CDC42BPB: variants seen among roughly 807,000 people sequenced by gnomAD.
CDC42BPB encodes serine/threonine-protein kinase MRCK beta.
CDC42BPB carries 37 observed loss-of-function variants against 214.9 expected under a neutral mutation model. That is an observed-to-expected ratio of 0.17 (90% CI 0.13 to 0.23). The LOEUF is 0.23. CDC42BPB is among the 10% of genes least tolerant of loss of function. The pLI is 1.00. For synonymous variants in CDC42BPB, 931 were observed against 884.0 expected (o/e 1.05, Z -0.94); for missense variants, 1,694 against 2,227.0 (o/e 0.76, Z 4.82).
chr14:102,986,089 C>T (rs1181023089), intron 6 of CDC42BPB, among the ~76,000 whole-genome samples: 1 of 152,134 alleles, frequency 6.6e-6, no homozygotes, highest in Non-Finnish European at 1.5e-5. Context: ...AAGTTACCTG[C>T]CCCAACACAA....
intron 14 of CDC42BPB, 61 bp downstream of exon 14, chr14:102,970,089 GT>G: frequency 7.6e-7 from 1 of 1,308,004 alleles, no homozygotes. Flanking sequence ...CTTCCATGTG[GT>G]GGCGTCAGCA....
At position 102,933,835 on chromosome 14, in the gene CDC42BPB, C is replaced by A; in HGVS notation, c.5013G>T (p.Ser1671=). The stretch of plus-strand genomic sequence containing the variant: ...ATGGAGTTGAGTGTTTGGTGGAGTC[C>A]GAATCAGGCTGTGAACAGGAAGAGG... ...PDQDFDKEPD[S]DSTKHSTPSN... The change falls in exon 37 of 37, where the codon TCG becomes TCT. Residue 1671 remains serine, a synonymous_variant. Transcript: ENST00000361246. 1 of 1,519,638 alleles carries A rather than the reference C, an allele frequency of 6.6e-7. No individual in the cohort carries two copies. Among genetic ancestry groups the A allele is most frequent in the Non-Finnish European group, 8.8e-7 (1 of 1,141,204 alleles). 94.1% of individuals were successfully genotyped at this position (1,519,638 alleles called of 1,614,324 possible).
At chr14:102,933,984 C>G (rs1891516170) in intron 36 of CDC42BPB, 141 bp from the exon 37 acceptor site, 6 of 1,392,056 alleles carry the variant, frequency 4.3e-6, no homozygotes, top group Non-Finnish European at 5.5e-6. Context: ...CACACACGCT[C>G]TACACCAGCG....
chr14:102,951,425 T>C (rs534138523), intron 24 of CDC42BPB, among the ~76,000 whole-genome samples: 3 of 152,204 alleles, frequency 2.0e-5, no homozygotes, highest in Admixed American at 1.3e-4. Flanking sequence ...ATCTGTGAAA[T>C]GGGGCAATCA....
rs1294401791 is a variant in CDC42BPB, at chr14:102,954,273, G to A, written c.2991C>T (p.Asp997=). The change falls in exon 23 of 37, where the codon GAC becomes GAT. Residue 997 remains aspartate, a splice_region_variant and synonymous_variant. Transcript: ENST00000361246. The part of the protein sequence containing the change: ...MSVAASEQQE[D]MARPPQRPSA... ...ATGGCCTCTGCGGGGGCCGAGCCAT[G>A]TCCTGGGAGACAAGCAGGACAGGTG... is the stretch of plus-strand genomic sequence containing the variant. 1.3e-6 allele frequency: 2 copies of A among 1,526,408 alleles called. No homozygotes were observed. Among genetic ancestry groups the A allele is most frequent in the African/African-American group, 1.4e-5 (1 of 71,642 alleles). The allele number at this position is 1,526,408 out of a possible 1,614,324, so 94.6% of individuals were successfully genotyped here.
chr14:103,043,451 C>G (rs2139755711), intron 1 of CDC42BPB, among the ~76,000 whole-genome samples: 1 of 152,192 alleles, frequency 6.6e-6, no homozygotes, highest in African/African-American at 2.4e-5. Context: ...ACGCCACTTA[C>G]AGAAAATACC....
At chr14:102,965,005 G>A (rs1041916639) in intron 18 of CDC42BPB, among the ~76,000 whole-genome samples, 27 of 151,532 alleles carry the variant, frequency 1.8e-4, no homozygotes, top group African/African-American at 6.1e-4. Flanking sequence ...AGCTTACCGC[G>A]ACCTCCGCCT....
rs574891192 is a variant in CDC42BPB at position 102,946,863 on chromosome 14, C to T, written c.3532-179G>A. The T allele has an allele frequency of 1.5e-5, 15 of 985,450 alleles. 1 individual carries two copies. In the Admixed American group the frequency reaches 1.8e-4, roughly 12 times the overall value. The allele number at this position is 985,450 out of a possible 1,614,324, so 61.0% of individuals were successfully genotyped here. ...TTGCAGAGGCTCCCGCGGCAGGACA[C>T]GGAAGGGGCGGGGTTCTAAACAGCC... On this transcript the variant is annotated intron_variant, in intron 27 of 36. Transcript: ENST00000361246.
intron 1 of CDC42BPB, among the ~76,000 whole-genome samples, chr14:103,040,924 T>C (rs775962364): frequency 2.0e-5 from 3 of 152,192 alleles, no homozygotes; most frequent in Admixed American, 6.5e-5. Context: ...TGACAAGCTG[T>C]TCCTAAAATG....
intron 1 of CDC42BPB, among the ~76,000 whole-genome samples, chr14:103,044,281 G>C (rs1458025405): frequency 1.3e-5 from 2 of 151,698 alleles, no homozygotes; most frequent in Non-Finnish European, 2.9e-5. Flanking sequence ...ATGCTGGAGT[G>C]CAGTGGTGCA....
At chr14:103,028,838 G>A (rs897782629) in intron 1 of CDC42BPB, among the ~76,000 whole-genome samples, 1 of 152,102 alleles carries the variant, frequency 6.6e-6, no homozygotes, top group Non-Finnish European at 1.5e-5. Context: ...TCATTCAACT[G>A]GAAAATACTA....
At chr14:102,957,287 C>T (rs1049786917) in intron 21 of CDC42BPB, among the ~76,000 whole-genome samples, 1 of 152,040 alleles carries the variant, frequency 6.6e-6, no homozygotes, top group South Asian at 2.1e-4. Context: ...ATGAAGATGC[C>T]GCCTCTGTCT....
Position 102,975,518 on chromosome 14 carries a change from C to T in CDC42BPB, c.1507+166G>A, listed in dbSNP as rs36063004. ...AGCCTGGGTGACAAAAGTGAAACTC[C>T]GTCTAAAAAAAAACAACTGACCAAA... On this transcript the variant is annotated intron_variant, in intron 11 of 36. Coordinates refer to ENST00000361246, the MANE Select transcript of CDC42BPB (RefSeq NM_006035.4). 7.6e-3 allele frequency among the ~76,000 whole-genome samples: 1,159 copies of T among 151,980 alleles called. 24 individuals are homozygous for T. The highest frequency in any genetic ancestry group is 0.027 in the African/African-American group (1,104 of 41,470).
chr14:102,983,315 G>A (rs1407282075), intron 7 of CDC42BPB, among the ~76,000 whole-genome samples: 1 of 152,008 alleles, frequency 6.6e-6, no homozygotes, highest in Non-Finnish European at 1.5e-5. Flanking sequence ...GGGGGTGGGG[G>A]TCACCCTCAG....
chr14:102,961,272 A>AT (rs1892945230), intron 20 of CDC42BPB, among the ~76,000 whole-genome samples: 1 of 152,196 alleles, frequency 6.6e-6, no homozygotes, highest in Non-Finnish European at 1.5e-5. Context: ...GTATTTTCCT[A>AT]TTTATGACTC....
chr14:103,025,996 GACAACC>G (rs1167696848), intron 1 of CDC42BPB, among the ~76,000 whole-genome samples: 1 of 152,130 alleles, frequency 6.6e-6, no homozygotes, highest in African/African-American at 2.4e-5. Context: ...GGGGTGGCTG[GACAACC>G]ACATGCTGAA....
rs1331102506 is a variant in CDC42BPB, at chr14:102,946,457, T to C, written c.3748+11A>G. 4 of 1,612,382 alleles carry C rather than the reference T, an allele frequency of 2.5e-6. No homozygotes were observed. Among genetic ancestry groups the C allele is most frequent in the African/African-American group, 1.3e-5 (1 of 75,050 alleles). On this transcript the variant is annotated intron_variant, in intron 28 of 36. Transcript: ENST00000361246. ...TTCAGACACCTGAAGGACACAACCT[T>C]TGGGACGTACCCACGATGGCAGCTG...
At chr14:102,947,176 G>C (rs1037488290) in intron 27 of CDC42BPB, among the ~76,000 whole-genome samples, 1 of 152,174 alleles carries the variant, frequency 6.6e-6, no homozygotes, top group African/African-American at 2.4e-5. Context: ...TTTAGTAAAA[G>C]CTAATTTATA....
rs1324880466 is a variant in CDC42BPB, at chr14:102,944,256, A to G, written c.4043T>C (p.Val1348Ala). The change falls in exon 30 of 37, where the codon GTG becomes GCG. Residue 1348 changes from valine to alanine, a missense_variant. By Grantham distance (64) the Val-to-Ala change is moderately conservative. Around this residue, in one of 7 missense-constraint regions of CDC42BPB, gnomAD observed 567 missense variants for 790.3 expected, o/e 0.72. Coordinates refer to ENST00000361246, the MANE Select transcript of CDC42BPB (RefSeq NM_006035.4). This position sits in a 1 kb window ranked among gnomAD's most constrained non-coding sequence, Gnocchi z 6.6. ...CTCATAGCAAAGGATCAGCCGTTTC[A>G]CGGCCACAAACAGGCAGGTGCCAGA... ...RNSGTCLFVA[V>A]KRLILCYEIQ... 1 of 1,613,250 alleles carries G rather than the reference A, an allele frequency of 6.2e-7. No individual in the cohort carries two copies. Among genetic ancestry groups the G allele is most frequent in the South Asian group, 1.1e-5 (1 of 91,088 alleles).
Sources: allele counts gnomAD v4.1 joint callset (sites outside exome capture counted in the v4.1 genomes callset), GRCh38; gene constraint gnomAD v4.1.1; regional missense constraint gnomAD v4.1.1; non-coding constraint Gnocchi (gnomAD v3.1); transcripts MANE v1.5; gene names NCBI Gene and HGNC (gene_info 2026-07-23, HGNC 2026-07-21).